Variants in CEP70 observed in about 807,000 individuals in gnomAD.
CEP70 encodes centrosomal protein of 70 kDa.
CEP70 carries 70 observed loss-of-function variants against 90.9 expected under a neutral mutation model. The observed-to-expected ratio is 0.77, with a 90% CI of 0.64 to 0.94. The LOEUF (loss-of-function observed/expected upper bound fraction) is 0.94, where lower values mean the gene tolerates loss of function less well. CEP70 is among the 40% of genes least tolerant of loss of function. CEP70 has a pLI of 0.00. For synonymous variants in CEP70, 220 were observed against 228.3 expected (o/e 0.96, Z 0.33); for missense variants, 648 against 669.0 (o/e 0.97, Z 0.35).
intron 2 of CEP70, among the ~76,000 whole-genome samples, chr3:138,576,904 T>A (rs947305893): frequency 1.3e-5 from 2 of 152,210 alleles, no homozygotes; most frequent in Non-Finnish European, 2.9e-5. Flanking sequence ...TTGAAACCAA[T>A]GAGAACAAAG....
intron 12 of CEP70, among the ~76,000 whole-genome samples, chr3:138,507,436 A>G (rs2035088883): frequency 6.6e-6 from 1 of 152,194 alleles, no homozygotes; most frequent in Non-Finnish European, 1.5e-5. Context: ...CCAGAAGAAT[A>G]AATGTGCTAA....
chr3:138,546,415 G>C (rs1421219202), intron 6 of CEP70, among the ~76,000 whole-genome samples: 2 of 152,130 alleles, frequency 1.3e-5, no homozygotes, highest in Admixed American at 1.3e-4. Context: ...TTATTCTCTA[G>C]CTTCTATCCC....
intron 11 of CEP70, among the ~76,000 whole-genome samples, chr3:138,518,747 A>T (rs992661603): frequency 6.6e-6 from 1 of 152,198 alleles, no homozygotes; most frequent in Non-Finnish European, 1.5e-5. Flanking sequence ...CAGAGCAGAA[A>T]AACTGGAAAC....
chr3:138,532,581 G>C lies in CEP70; in HGVS notation c.636-11C>G, dbSNP rs948928915. On this transcript the variant is annotated splice_polypyrimidine_tract_variant and intron_variant, in intron 7 of 17. Transcript: ENST00000264982. ...ATTAGACAAAGCAACCTAGAAAACA[G>C]AATATTGAATTATTTTCAAAATGCG... 4.8e-6 allele frequency: 7 copies of C among 1,472,356 alleles called. No homozygotes were observed. The highest frequency in any genetic ancestry group is 6.3e-6 in the Non-Finnish European group (7 of 1,107,884). The allele number at this position is 1,472,356 out of a possible 1,614,324, so 91.2% of individuals were successfully genotyped here. A position where few individuals can be genotyped will look rare whatever the true frequency, so the allele number is the denominator to read the frequency against.
intron 6 of CEP70, among the ~76,000 whole-genome samples, chr3:138,546,790 C>T (rs752296597): frequency 5.9e-5 from 9 of 151,980 alleles, no homozygotes; most frequent in African/African-American, 1.9e-4. Context: ...AACACTATCA[C>T]CCTTATTAAT....
chr3:138,525,413 T>A, intron 11 of CEP70, 77 bp downstream of exon 11: 1 of 492,802 alleles, frequency 2.0e-6, no homozygotes. Flanking sequence ...TATAATAAAA[T>A]AAAAATAAAA....
chr3:138,501,739 T>C (rs2108674017), intron 13 of CEP70, among the ~76,000 whole-genome samples: 1 of 152,326 alleles, frequency 6.6e-6, no homozygotes, highest in South Asian at 2.1e-4. Context: ...TGGGCAAGGC[T>C]ACTGAAAGTT....
intron 2 of CEP70, among the ~76,000 whole-genome samples, chr3:138,590,646 T>TA (rs35742919): frequency 0.084 from 11,198 of 133,472 alleles, 798 homozygotes; most frequent in East Asian, 0.38. Context: ...CTAAAAATAC[T>TA]AAAAAAAAAA....
chr3:138,520,215 C>T (rs2036480646), intron 11 of CEP70, among the ~76,000 whole-genome samples: 2 of 152,292 alleles, frequency 1.3e-5, no homozygotes, highest in Non-Finnish European at 2.9e-5. Flanking sequence ...GAGACTTAGA[C>T]TCCCACACAA....
rs745624129 is a variant in CEP70 at position 138,571,327 on chromosome 3, A to T, written c.99T>A (p.Asn33Lys). ...QQEEAEWESI[N>K]VLLMMHGLKP... ...TTAAGCCATGCATCATCAATAGCAC[A>T]TTTATGCTTTCCCATTCTGCTTCTT... Residue 33 changes from asparagine to lysine, a missense_variant, in exon 4 of 18, where the codon AAT (asparagine) becomes AAA (lysine). Transcript: ENST00000264982. 1 of 1,610,880 alleles carries T rather than the reference A, an allele frequency of 6.2e-7. No individual in the cohort carries two copies. The highest frequency in any genetic ancestry group is 1.1e-5 in the South Asian group (1 of 90,712).
chr3:138,513,187 G>A (rs575439202), intron 11 of CEP70, among the ~76,000 whole-genome samples: 2 of 152,330 alleles, frequency 1.3e-5, no homozygotes, highest in East Asian at 3.9e-4. Context: ...TGCACAGCCT[G>A]TGCACTGCAA....
chr3:138,565,929 A>G (rs1179072791), intron 6 of CEP70, among the ~76,000 whole-genome samples: 1 of 152,216 alleles, frequency 6.6e-6, no homozygotes, highest in Non-Finnish European at 1.5e-5. Context: ...TACCCATCTG[A>G]CAAAGGGCTA....
At chr3:138,529,167 GAAAAA>G in intron 10 of CEP70, 27 bp downstream of exon 10, 2 of 1,180,520 alleles carry the variant, frequency 1.7e-6, no homozygotes, top group Non-Finnish European at 2.4e-6. Flanking sequence ...CCTGTCTCAG[GAAAAA>G]AAAAAAAAAA....
intron 6 of CEP70, among the ~76,000 whole-genome samples, chr3:138,541,857 A>C (rs2038793261): frequency 1.3e-5 from 2 of 152,306 alleles, no homozygotes; most frequent in South Asian, 4.1e-4. Flanking sequence ...CCCCATCTCT[A>C]CCAAAAATAC....
chr3:138,534,396 C>G (rs2038091371), intron 7 of CEP70, among the ~76,000 whole-genome samples: 1 of 152,190 alleles, frequency 6.6e-6, no homozygotes. Context: ...TCTTTATATC[C>G]TGCACAAATC....
chr3:138,539,491 A>T (rs1213820777), intron 6 of CEP70, among the ~76,000 whole-genome samples: 2 of 152,198 alleles, frequency 1.3e-5, no homozygotes, highest in Non-Finnish European at 2.9e-5. Context: ...ATAACTTTTA[A>T]AAAAACAAAC....
chr3:138,587,209 G>T (rs2108271786), intron 2 of CEP70, among the ~76,000 whole-genome samples: 1 of 151,904 alleles, frequency 6.6e-6, no homozygotes, highest in Non-Finnish European at 1.5e-5. Context: ...TTTCTGAAAT[G>T]AAGATTAAAG....
chr3:138,573,848 G>A (rs1158166178), intron 2 of CEP70, among the ~76,000 whole-genome samples: 1 of 152,194 alleles, frequency 6.6e-6, no homozygotes, highest in Non-Finnish European at 1.5e-5. Flanking sequence ...TTTTGTATAA[G>A]TTAAGGATGC....
Position 138,552,312 on chromosome 3 carries a change from C to T in CEP70, c.466-14965G>A, listed in dbSNP as rs142300444. ...GAAACAATGGATTTAAACTATACCC[C>T]GGAACAAATAAACTTAACAGATATT... is the stretch of plus-strand genomic sequence containing the variant. On this transcript the variant is annotated intron_variant, in intron 6 of 17. Transcript: ENST00000264982. Among the ~76,000 whole-genome samples the T allele has an allele frequency of 6.5e-3, 996 of 152,172 alleles. 8 individuals are homozygous for T. The highest frequency in any genetic ancestry group is 0.023 in the African/African-American group (959 of 41,530).
Sources: allele counts gnomAD v4.1 joint callset (sites outside exome capture counted in the v4.1 genomes callset), GRCh38; gene constraint gnomAD v4.1.1; transcripts MANE v1.5; gene names NCBI Gene and HGNC (gene_info 2026-07-23, HGNC 2026-07-21).